GPHN: variants seen among roughly 807,000 people sequenced by gnomAD.
GPHN encodes the protein gephyrin.
Under a neutral mutation model 95.5 loss-of-function variants are expected in GPHN, and 17 were observed. The observed-to-expected ratio is 0.18, with a 90% CI of 0.12 to 0.27. GPHN has a LOEUF of 0.27. Ranked by LOEUF, GPHN falls within the 10% of genes least tolerant of loss-of-function variation. The pLI is 1.00. For missense variants in GPHN, 660 were observed against 978.1 expected (o/e 0.67, Z 4.34); for synonymous variants, 320 against 322.5 (o/e 0.99, Z 0.08).
chr14:67,548,824 A>G, the GPHN span, among the ~76,000 whole-genome samples: 2 of 152,236 alleles, frequency 1.3e-5, no homozygotes, highest in East Asian at 3.8e-4. Context: ...CTCTGTCACA[A>G]TCGCTTGCCA....
the GPHN span, among the ~76,000 whole-genome samples, chr14:67,655,008 GAC>G: frequency 7.1e-5 from 8 of 112,410 alleles, no homozygotes; most frequent in South Asian, 1.8e-3. Context: ...CAGCCTGGGC[GAC>G]AGAGCAAGAC....
intron 1 of GPHN, among the ~76,000 whole-genome samples, chr14:66,641,871 A>G (rs2064431223): frequency 6.6e-6 from 1 of 152,192 alleles, no homozygotes; most frequent in South Asian, 2.1e-4. Context: ...TGGGTTTTTT[A>G]AAGTAAAAAA....
At chr14:67,029,540 T>A (rs1210626824) in intron 10 of GPHN, among the ~76,000 whole-genome samples, 2 of 152,130 alleles carry the variant, frequency 1.3e-5, no homozygotes, top group Non-Finnish European at 2.9e-5. Flanking sequence ...TTTCACCATG[T>A]TGGCCAGGCT....
At chr14:67,574,166 T>C in the GPHN span, 1 of 1,351,222 alleles carries the variant, frequency 7.4e-7, no homozygotes, top group Non-Finnish European at 1.0e-6. The surrounding 1 kb of genome is among the most constrained non-coding windows in gnomAD (Gnocchi z 4.2). Context: ...CAGGGACAGG[T>C]GCCACCTCGG....
intron 1 of GPHN, among the ~76,000 whole-genome samples, chr14:66,520,930 A>G (rs374439272): frequency 5.3e-5 from 8 of 151,738 alleles, no homozygotes; most frequent in African/African-American, 1.9e-4. Context: ...TTTAGCCCCC[A>G]CTTATAAGTG....
At chr14:66,576,593 T>C (rs922345626) in intron 1 of GPHN, among the ~76,000 whole-genome samples, 3 of 152,154 alleles carry the variant, frequency 2.0e-5, no homozygotes, top group African/African-American at 4.8e-5. Context: ...AACATACTTA[T>C]CTTAAAAATT....
chr14:67,261,846 T>C, the GPHN span, among the ~76,000 whole-genome samples: 1 of 152,220 alleles, frequency 6.6e-6, no homozygotes, highest in Non-Finnish European at 1.5e-5. Flanking sequence ...TCTGTTAGCA[T>C]ATGTAACAGT....
the GPHN span, among the ~76,000 whole-genome samples, chr14:67,309,507 T>A: frequency 1.3e-5 from 2 of 152,134 alleles, no homozygotes; most frequent in Admixed American, 1.3e-4. Context: ...GTCACATAAG[T>A]AAAGCATGTT....
the GPHN span, among the ~76,000 whole-genome samples, chr14:67,439,895 G>A: frequency 6.6e-6 from 1 of 152,094 alleles, no homozygotes; most frequent in African/African-American, 2.4e-5. Flanking sequence ...CTGGGGTGCA[G>A]TGGCGTGATC....
At chr14:66,971,773 A>G (rs1416109667) in intron 9 of GPHN, among the ~76,000 whole-genome samples, 1 of 152,190 alleles carries the variant, frequency 6.6e-6, no homozygotes, top group Admixed American at 6.5e-5. Context: ...TCTTTTACCC[A>G]GGCATGATTT....
intron 1 of GPHN, among the ~76,000 whole-genome samples, chr14:66,526,846 G>A (rs1380349328): frequency 6.6e-6 from 1 of 152,126 alleles, no homozygotes; most frequent in East Asian, 1.9e-4. Flanking sequence ...TGGTGGAAAA[G>A]CTTTCTGATG....
At chr14:67,505,757 T>C in the GPHN span, among the ~76,000 whole-genome samples, 2 of 151,808 alleles carry the variant, frequency 1.3e-5, no homozygotes, top group African/African-American at 4.8e-5. Flanking sequence ...CCCAGGCTGG[T>C]ATGCAGTGGT....
chr14:67,239,141 C>T, the GPHN span, among the ~76,000 whole-genome samples: 2 of 152,054 alleles, frequency 1.3e-5, no homozygotes, highest in Admixed American at 6.6e-5. Flanking sequence ...AGGTACTTGG[C>T]GGGTTCATTT....
At chr14:67,541,469 G>A in the GPHN span, among the ~76,000 whole-genome samples, 1 of 152,254 alleles carries the variant, frequency 6.6e-6, no homozygotes, top group East Asian at 1.9e-4. Context: ...CTCCAGTGCA[G>A]AGCACAGGGT....
chr14:67,055,962 C>T (rs1308601110), intron 10 of GPHN, among the ~76,000 whole-genome samples: 6 of 152,150 alleles, frequency 3.9e-5, no homozygotes, highest in African/African-American at 1.4e-4. Context: ...GGTTCGTGGT[C>T]TTGCTGGCTT....
intron 1 of GPHN, among the ~76,000 whole-genome samples, chr14:66,538,554 A>C (rs1475468967): frequency 6.6e-6 from 1 of 151,746 alleles, no homozygotes; most frequent in East Asian, 1.9e-4. Flanking sequence ...AACCTATCCA[A>C]TAAGTTTTAA....
intron 17 of GPHN, among the ~76,000 whole-genome samples, chr14:67,130,087 A>C (rs375733861): frequency 1.3e-5 from 2 of 151,914 alleles, no homozygotes; most frequent in East Asian, 3.9e-4. Context: ...CTTTTCACTC[A>C]AATGCATTCT....
chr14:67,490,617 A>C, the GPHN span, among the ~76,000 whole-genome samples: 1 of 152,132 alleles, frequency 6.6e-6, no homozygotes, highest in African/African-American at 2.4e-5. Flanking sequence ...CCTTTCCTAT[A>C]ACTATTTAAG....
intron 9 of GPHN, among the ~76,000 whole-genome samples, chr14:67,013,894 T>G (rs2073152082): frequency 6.6e-6 from 1 of 152,052 alleles, no homozygotes; most frequent in Non-Finnish European, 1.5e-5. Context: ...AAAACGAATG[T>G]GACTTTCTTC....
Sources: allele counts gnomAD v4.1 joint callset (sites outside exome capture counted in the v4.1 genomes callset), GRCh38; gene constraint gnomAD v4.1.1; non-coding constraint Gnocchi (gnomAD v3.1); transcripts MANE v1.5; gene names NCBI Gene and HGNC (gene_info 2026-07-23, HGNC 2026-07-21).